Variants in ESR1 observed in about 807,000 individuals in gnomAD.
ESR1 encodes the protein estrogen receptor 1, also known as estrogen receptor.
Under a neutral mutation model 52.7 loss-of-function variants are expected in ESR1, and 12 were observed. That is an observed-to-expected ratio of 0.23 (90% CI 0.15 to 0.37). The LOEUF (loss-of-function observed/expected upper bound fraction) is 0.37, where lower values mean the gene tolerates loss of function less well. ESR1 is among the 10% of genes least tolerant of loss of function. The pLI, the probability that ESR1 is intolerant of heterozygous loss-of-function variation, is 1.00. For missense variants in ESR1, 584 were observed against 779.7 expected, an observed-to-expected ratio of 0.75 and a Z score of 2.99; for synonymous variants, 305 against 316.8, an observed-to-expected ratio of 0.96 and a Z score of 0.39.
intron 6 of ESR1, among the ~76,000 whole-genome samples, chr6:152,085,524 G>C (rs1284465274): frequency 6.6e-6 from 1 of 152,068 alleles, no homozygotes; most frequent in Non-Finnish European, 1.5e-5. Context: ...GGGGTAATTT[G>C]AGAGTTATGG....
chr6:151,812,010 A>G (rs1778912696), intron 1 of ESR1, among the ~76,000 whole-genome samples: 1 of 152,128 alleles, frequency 6.6e-6, no homozygotes, highest in Non-Finnish European at 1.5e-5. Context: ...TTAGTCTATG[A>G]CATTCATAAT....
chr6:151,971,491 A>G (rs180791798), intron 4 of ESR1, among the ~76,000 whole-genome samples: 1 of 152,082 alleles, frequency 6.6e-6, no homozygotes, highest in East Asian at 1.9e-4. Flanking sequence ...GTGGTCTCCA[A>G]TTCCATCCAG....
intron 6 of ESR1, among the ~76,000 whole-genome samples, chr6:152,081,362 C>G (rs1349722213): frequency 2.0e-5 from 3 of 152,026 alleles, no homozygotes; most frequent in Admixed American, 6.5e-5. Flanking sequence ...GAACAACCTG[C>G]TCCTGAATGA....
At chr6:151,754,421 G>A (rs1784129392) in intron 2 of ESR1, among the ~76,000 whole-genome samples, 1 of 151,564 alleles carries the variant, frequency 6.6e-6, no homozygotes, top group African/African-American at 2.4e-5. Context: ...AAGGACAATC[G>A]GAAATGATAA....
chr6:151,749,694 C>T (rs535007640), intron 2 of ESR1, among the ~76,000 whole-genome samples: 1 of 151,642 alleles, frequency 6.6e-6, no homozygotes, highest in African/African-American at 2.4e-5. Flanking sequence ...CCTGTGCCTC[C>T]ACATTATTCT....
chr6:152,050,150 A>G (rs935758640), intron 5 of ESR1, among the ~76,000 whole-genome samples: 6 of 152,230 alleles, frequency 3.9e-5, no homozygotes, highest in Non-Finnish European at 8.8e-5. Context: ...AAAGCAGAGA[A>G]CTGAAACTTT....
chr6:151,811,273 T>C (rs1468090671), intron 1 of ESR1: 1 of 152,208 alleles, frequency 6.6e-6, no homozygotes, highest in Non-Finnish European at 1.5e-5. Context: ...TTGCAAGATG[T>C]TACTCAAAAT....
At chr6:151,739,304 T>A (rs543237900) in intron 2 of ESR1, among the ~76,000 whole-genome samples, 1 of 152,216 alleles carries the variant, frequency 6.6e-6, no homozygotes, top group Non-Finnish European at 1.5e-5. Context: ...AAGGGCTAAA[T>A]AAACATGGTG....
chr6:152,060,547 T>A (rs2047465589), intron 5 of ESR1, among the ~76,000 whole-genome samples: 1 of 152,208 alleles, frequency 6.6e-6, no homozygotes, highest in Non-Finnish European at 1.5e-5. Context: ...AACACAACCA[T>A]CAGGACTTGT....
At position 152,093,883 on chromosome 6, in the gene ESR1, C is replaced by T. The variant is rs141452045; in HGVS notation, c.1370-502C>T. Among the ~76,000 whole-genome samples, 141 of 152,264 alleles carry T rather than the reference C, an allele frequency of 9.3e-4. 2 individuals carry two copies. Among genetic ancestry groups the T allele is most frequent in the Admixed American group, 2.1e-3 (32 of 15,298 alleles). On this transcript the variant is annotated intron_variant, in intron 6 of 7. Transcript: ENST00000206249. ...GAGTTTCACACGTCTCCCGAGAGAG[C>T]GTCTCCTTTATCATTACCACATGTG...
At chr6:151,713,180 G>C (rs560917792) in intron 2 of ESR1, among the ~76,000 whole-genome samples, 1 of 152,178 alleles carries the variant, frequency 6.6e-6, no homozygotes, top group African/African-American at 2.4e-5. Context: ...GCATCCCAGG[G>C]ATGAAGCTGA....
chr6:151,753,715 G>A (rs115680239), intron 2 of ESR1, among the ~76,000 whole-genome samples: 1,797 of 152,266 alleles, frequency 0.012, 44 homozygotes, highest in African/African-American at 0.041. Flanking sequence ...AATTATTTAG[G>A]TAAAAGTTTG....
intron 6 of ESR1, among the ~76,000 whole-genome samples, chr6:152,124,664 G>A (rs1004782327): frequency 1.0e-4 from 15 of 149,376 alleles, no homozygotes; most frequent in African/African-American, 3.7e-4. Flanking sequence ...CTTGTGCTAA[G>A]ACCAATGAGT....
upstream of ESR1, among the ~76,000 whole-genome samples, chr6:151,806,630 G>A (rs140675391): frequency 4.9e-3 from 728 of 147,458 alleles, 7 homozygotes; most frequent in African/African-American, 0.017. Context: ...TTTTCTATTT[G>A]TTTTTCATCT....
At chr6:151,778,319 T>C (rs1415457891) in intron 2 of ESR1, among the ~76,000 whole-genome samples, 1 of 152,156 alleles carries the variant, frequency 6.6e-6, no homozygotes, top group Non-Finnish European at 1.5e-5. Flanking sequence ...TGGACAATGG[T>C]GATGGCTGCA....
At chr6:152,008,339 G>C (rs1187757625) in intron 4 of ESR1, among the ~76,000 whole-genome samples, 3 of 152,076 alleles carry the variant, frequency 2.0e-5, no homozygotes, top group Non-Finnish European at 4.4e-5. Flanking sequence ...TAATTAAATA[G>C]ACTCTTTTTG....
intron 3 of ESR1, among the ~76,000 whole-genome samples, chr6:151,881,708 C>A (rs1029121343): frequency 1.3e-5 from 2 of 151,998 alleles, no homozygotes; most frequent in Non-Finnish European, 2.9e-5. Context: ...CAAGGTGAAA[C>A]CCTGTCTCTA....
chr6:151,902,089 C>A (rs1170034709), intron 3 of ESR1, among the ~76,000 whole-genome samples: 2 of 152,162 alleles, frequency 1.3e-5, no homozygotes, highest in Non-Finnish European at 2.9e-5. Context: ...TTACAGATAA[C>A]CTTTACTGAG....
At chr6:152,062,689 G>A (rs1482088414) in intron 6 of ESR1, among the ~76,000 whole-genome samples, 4 of 152,170 alleles carry the variant, frequency 2.6e-5, no homozygotes, top group East Asian at 3.9e-4. Context: ...CTTCTTCGGT[G>A]GAGGGCTGGC....
Sources: gnomAD v4.1 joint callset for allele counts (sites outside exome capture counted in the v4.1 genomes callset) on GRCh38, gnomAD v4.1.1 for gene constraint, MANE v1.5 for transcripts, NCBI Gene and HGNC (gene_info 2026-07-23, HGNC 2026-07-21) for gene names.